The following PROSER2 variants were observed in gnomAD, a reference collection of about 807,000 sequenced individuals.
PROSER2 encodes proline and serine rich 2.
A neutral mutation model predicts 14.6 loss-of-function variants in PROSER2; 18 were observed. The ratio of observed to expected loss-of-function variants is 1.23; its 90% CI spans 0.85 to 1.83. The LOEUF is 1.83. Ranked by LOEUF, PROSER2 falls within the 40% of genes most tolerant of loss-of-function variation. PROSER2 has a pLI of 0.00. For synonymous variants in PROSER2, 367 were observed against 286.4 expected (o/e 1.28, Z -2.84); for missense variants, 823 against 629.8 (o/e 1.31, Z -3.28).
chr10:11,861,590 A>G lies in PROSER2; in HGVS notation c.139-4941A>G, dbSNP rs545432995. Among the ~76,000 whole-genome samples, 3 of 152,316 alleles carry G rather than the reference A, an allele frequency of 2.0e-5. No individual in the cohort carries two copies. The East Asian group carries it at 5.8e-4, about 29-fold the overall frequency. On this transcript the variant is annotated intron_variant, in intron 2 of 3. Transcript: ENST00000277570. ...GGGCGTCGCTGCCTTAGAAGCCGAC[A>G]TAGGAAGAGCCAGTGATGGACTTGA...
intron 1 of PROSER2, chr10:11,849,668 G>T (rs1225797162): frequency 6.6e-6 from 1 of 152,248 alleles, no homozygotes; most frequent in African/African-American, 2.4e-5. Flanking sequence ...GACTGCTTTT[G>T]GGAGAGTGGT....
chr10:11,859,008 C>CA (rs750181845), intron 2 of PROSER2, among the ~76,000 whole-genome samples: 2,747 of 60,764 alleles, frequency 0.045, 213 homozygotes, highest in African/African-American at 0.12. Flanking sequence ...GACTCTGTCT[C>CA]AAAAAAAAAA....
intron 2 of PROSER2, among the ~76,000 whole-genome samples, chr10:11,852,675 C>A (rs1834045869): frequency 6.7e-6 from 1 of 149,718 alleles, no homozygotes; most frequent in African/African-American, 2.5e-5. Context: ...CGTGCCACCA[C>A]ACCCGGCTAT....
intron 2 of PROSER2, among the ~76,000 whole-genome samples, chr10:11,857,607 T>C (rs538853160): frequency 1.3e-5 from 2 of 152,054 alleles, no homozygotes; most frequent in South Asian, 2.1e-4. Flanking sequence ...TAGCCAGGCG[T>C]GGTGACGCGT....
At chr10:11,852,589 G>A (rs543393509) in intron 2 of PROSER2, among the ~76,000 whole-genome samples, 222 of 151,438 alleles carry the variant, frequency 1.5e-3, no homozygotes, top group African/African-American at 5.2e-3. Context: ...GCGCGATCTT[G>A]GCTCACTGCA....
At chr10:11,847,941 A>G (rs948572368) in intron 1 of PROSER2, among the ~76,000 whole-genome samples, 3 of 152,198 alleles carry the variant, frequency 2.0e-5, no homozygotes, top group African/African-American at 7.2e-5. Flanking sequence ...TACCTCTTAA[A>G]TAATCTATTG....
At chr10:11,847,898 G>C (rs1223728371) in intron 1 of PROSER2, among the ~76,000 whole-genome samples, 1 of 152,116 alleles carries the variant, frequency 6.6e-6, no homozygotes, top group Admixed American at 6.6e-5. Flanking sequence ...TCTCTTTTGT[G>C]AACTGATAAA....
At chr10:11,845,910 A>C (rs769185349) in intron 1 of PROSER2, among the ~76,000 whole-genome samples, 1 of 152,202 alleles carries the variant, frequency 6.6e-6, no homozygotes, top group Non-Finnish European at 1.5e-5. Context: ...TATACCACCT[A>C]GTATCTTTCA....
intron 1 of PROSER2, among the ~76,000 whole-genome samples, chr10:11,841,991 G>C (rs1480311787): frequency 6.6e-6 from 1 of 152,166 alleles, no homozygotes; most frequent in Non-Finnish European, 1.5e-5. Flanking sequence ...GGGAGGCCGA[G>C]GCAGGCGGAT....
In PROSER2 at chr10:11,869,940, G is replaced by A. The variant is rs1271037323; in HGVS notation, c.842G>A (p.Arg281His). 6 of 1,522,826 alleles carry A rather than the reference G, an allele frequency of 3.9e-6. No individual in the cohort carries two copies. The highest frequency in any genetic ancestry group is 2.5e-5 in the East Asian group (1 of 39,358). 94.3% of individuals were successfully genotyped at this position (1,522,826 alleles called of 1,614,324 possible). Residue 281 changes from arginine to histidine, a missense_variant, in exon 4 of 4, where the codon CGC becomes CAC. By Grantham distance (29) the Arg-to-His change is conservative (BLOSUM62 0). Transcript: ENST00000277570. This position sits in a 1 kb window ranked among gnomAD's most constrained non-coding sequence, Gnocchi z 4.4. The part of the protein sequence containing the change: ...LSRAAVSVQE[R>H]RAQVLATIHG... ...AGGGCGGCCGTCAGCGTGCAGGAGCGCAGGGCGCAGGTGTTGGCCACCATC... is the reference window on the plus strand; with the variant it reads ...AGGGCGGCCGTCAGCGTGCAGGAGCACAGGGCGCAGGTGTTGGCCACCATC...
chr10:11,853,080 G>C (rs565029708), intron 2 of PROSER2, among the ~76,000 whole-genome samples: 2 of 152,082 alleles, frequency 1.3e-5, no homozygotes, highest in Admixed American at 1.3e-4. Flanking sequence ...ATGGTCCCCC[G>C]GGCCTCACTA....
At chr10:11,848,329 C>T (rs747499346) in intron 1 of PROSER2, among the ~76,000 whole-genome samples, 10 of 152,126 alleles carry the variant, frequency 6.6e-5, no homozygotes, top group Non-Finnish European at 1.0e-4. Flanking sequence ...CCACCATGCC[C>T]GGCTAATTTT....
At position 11,870,660 on chromosome 10, in the gene PROSER2, CTG is replaced by C. The variant is rs1834469217; in HGVS notation, c.*255_*256del. The C allele has an allele frequency of 2.3e-6, 1 of 428,678 alleles. No homozygotes were observed. Among genetic ancestry groups the C allele is most frequent in the Non-Finnish European group, 4.3e-6 (1 of 234,758 alleles). 26.6% of individuals were successfully genotyped at this position (428,678 alleles called of 1,614,324 possible). ...GGGCTTGTCTCCCTTTTCCCAAGAACTGAGAGAGAGAGAATAACCTGTTAGAC... is the reference window on the plus strand; with the variant it reads ...GGGCTTGTCTCCCTTTTCCCAAGAACAGAGAGAGAGAATAACCTGTTAGAC... On this transcript the variant is annotated 3_prime_UTR_variant, in exon 4 of 4. Transcript: ENST00000277570.
chr10:11,849,015 C>T (rs918955102), intron 1 of PROSER2, among the ~76,000 whole-genome samples: 24 of 152,092 alleles, frequency 1.6e-4, no homozygotes, highest in South Asian at 1.5e-3. Context: ...GGTGAAACCC[C>T]GTCTATACTA....
rs1444335579 is a variant in PROSER2 at position 11,870,222 on chromosome 10, C to T, written c.1124C>T (p.Pro375Leu). 2 of 1,491,536 alleles carry T rather than the reference C, an allele frequency of 1.3e-6. No homozygotes were observed. The highest frequency in any genetic ancestry group is 1.5e-5 in the African/African-American group (1 of 68,248). 92.4% of individuals were successfully genotyped at this position (1,491,536 alleles called of 1,614,324 possible). ...TGCTTCCGCCCTGGCCCGGCCCTGC[C>T]CAGCACGCGGGCCCGTCAGAGCTTC... ...SLCFRPGPAL[P>L]STRARQSFPG... Residue 375 changes from proline to leucine, a missense_variant, in exon 4 of 4, where the codon CCC becomes CTC. Physicochemically the swap from Pro to Leu is moderately conservative, Grantham distance 98 (BLOSUM62 -3). Coordinates refer to ENST00000277570, the MANE Select transcript of PROSER2 (RefSeq NM_153256.4).
chr10:11,859,201 C>G (rs1002429868), intron 2 of PROSER2, among the ~76,000 whole-genome samples: 10 of 151,676 alleles, frequency 6.6e-5, no homozygotes. Context: ...GCGGGTAGAT[C>G]ATTTGAGGTC....
chr10:11,861,778 A>G (rs1834243659), intron 2 of PROSER2, among the ~76,000 whole-genome samples: 1 of 152,184 alleles, frequency 6.6e-6, no homozygotes, highest in South Asian at 2.1e-4. Context: ...AATATTCACT[A>G]CCTGGCCCTT....
Position 11,852,088 on chromosome 10 carries a change from C to T in PROSER2, c.11C>T (p.Thr4Ile). The T allele has an allele frequency of 6.2e-7, 1 of 1,611,514 alleles. No individual in the cohort carries two copies. Among genetic ancestry groups the T allele is most frequent in the South Asian group, 1.1e-5 (1 of 90,580 alleles). The part of the protein sequence containing the change: MPV[T>I]HRKSDASDMN... ...GAGGACTCTGTGGAGATGCCTGTAA[C>T]CCACCGGAAATCAGACGCATCTGAC... Residue 4 changes from threonine (T) to isoleucine (I), a missense_variant, in exon 2 of 4, where the codon ACC becomes ATC. Transcript: ENST00000277570.
intron 1 of PROSER2, among the ~76,000 whole-genome samples, chr10:11,828,059 G>A (rs1386145409): frequency 6.6e-6 from 1 of 151,904 alleles, no homozygotes; most frequent in African/African-American, 2.4e-5. Flanking sequence ...ATAAAGAATG[G>A]TACTGCACTG....
Sources: allele counts gnomAD v4.1 joint callset (sites outside exome capture counted in the v4.1 genomes callset), GRCh38; gene constraint gnomAD v4.1.1; non-coding constraint Gnocchi (gnomAD v3.1); transcripts MANE v1.5; gene names NCBI Gene and HGNC (gene_info 2026-07-23, HGNC 2026-07-21).